Variants in ITPR2 observed in about 807,000 individuals in gnomAD.
ITPR2 encodes inositol 1,4,5-trisphosphate receptor type 2, also known as inositol 1,4,5-trisphosphate-gated calcium channel ITPR2.
ITPR2 carries 207 observed loss-of-function variants against 317.1 expected under a neutral mutation model. That is an observed-to-expected ratio of 0.65 (90% CI 0.58 to 0.73). The LOEUF (loss-of-function observed/expected upper bound fraction) is 0.73, where lower values mean the gene tolerates loss of function less well. ITPR2 is among the 30% of genes least tolerant of loss of function. The pLI is 0.00. For synonymous variants in ITPR2, 1,156 were observed against 1,149.1 expected (o/e 1.01, Z -0.12); for missense variants, 2,613 against 3,284.0 (o/e 0.80, Z 4.99).
In ITPR2 at chr12:26,416,479, C is replaced by T. The variant is rs79191473; in HGVS notation, c.7111-981G>A. On this transcript the variant is annotated intron_variant, in intron 50 of 56. Coordinates refer to ENST00000381340, the MANE Select transcript of ITPR2 (RefSeq NM_002223.4). ...GCAGTAATTAGAGTTTCTGAACTGG[C>T]TGAAATGATCAATTATGTGTCATAT... is the stretch of plus-strand genomic sequence containing the variant. Among the ~76,000 whole-genome samples the T allele has an allele frequency of 6.0e-3, 906 of 152,220 alleles. 5 individuals are homozygous for T. Among genetic ancestry groups the T allele is most frequent in the Non-Finnish European group, 1.0e-2 (678 of 68,000 alleles).
chr12:26,509,772 G>A (rs898147133), intron 37 of ITPR2, among the ~76,000 whole-genome samples: 7 of 151,988 alleles, frequency 4.6e-5, no homozygotes, highest in African/African-American at 1.4e-4. Flanking sequence ...GTGGGAAGGC[G>A]GTCCAGTGCA....
At chr12:26,736,924 G>T (rs1318887352) in intron 2 of ITPR2, among the ~76,000 whole-genome samples, 1 of 152,180 alleles carries the variant, frequency 6.6e-6, no homozygotes, top group Non-Finnish European at 1.5e-5. Context: ...TGTTATTTGA[G>T]CAACGATAGT....
Position 26,556,275 on chromosome 12 carries a change from T to C in ITPR2, c.4922A>G (p.Glu1641Gly), listed in dbSNP as rs761684493. ...ACATCTTATTCTTGCATCGCTTCCCTCAGGGAACAGCAGTTCTGGACTGTA... is the reference window on the plus strand; with the variant it reads ...ACATCTTATTCTTGCATCGCTTCCCCCAGGGAACAGCAGTTCTGGACTGTA... ...VLYSPELLFP[E>G]GSDARIRCGA... is the part of the protein sequence containing the mutation. The change falls in exon 36 of 57, where the codon GAG (glutamate) becomes GGG (glycine). Residue 1641 changes from glutamate (E) to glycine (G), a missense_variant. Coordinates refer to ENST00000381340, the MANE Select transcript of ITPR2 (RefSeq NM_002223.4). 6.2e-7 allele frequency: 1 copy of C among 1,614,008 alleles called. No homozygotes were observed. Among genetic ancestry groups the C allele is most frequent in the South Asian group, 1.1e-5 (1 of 91,050 alleles).
At position 26,368,089 on chromosome 12, in the gene ITPR2, A is replaced by G. The variant is rs184801737; in HGVS notation, c.7857+19345T>C. ...TTTGGGGACTATTTAAATGAGCAGA[A>G]CCTTATAATAAAGAAGAGAGCCCAC... On this transcript the variant is annotated intron_variant, in intron 55 of 56. Transcript: ENST00000381340. Among the ~76,000 whole-genome samples, 5 of 152,296 alleles carry G rather than the reference A, an allele frequency of 3.3e-5. No individual in the cohort carries two copies. In the East Asian group the frequency reaches 9.6e-4, roughly 29 times the overall value.
At chr12:26,644,152 G>A (rs1024828525) in intron 21 of ITPR2, among the ~76,000 whole-genome samples, 16 of 152,062 alleles carry the variant, frequency 1.1e-4, no homozygotes, top group Non-Finnish European at 2.1e-4. Context: ...AGGAGCTAGC[G>A]GCCAAAAAGA....
intron 52 of ITPR2, among the ~76,000 whole-genome samples, chr12:26,403,922 C>T (rs1047971859): frequency 6.6e-6 from 1 of 152,076 alleles, no homozygotes; most frequent in African/African-American, 2.4e-5. Context: ...AAACTGGGAG[C>T]TCTCTGTGAA....
At chr12:26,830,052 C>T (rs11048699) in intron 1 of ITPR2, among the ~76,000 whole-genome samples, 24,412 of 152,138 alleles carry the variant, frequency 0.16, 2,321 homozygotes, top group East Asian at 0.22. Context: ...TACAGGCGTC[C>T]GCCACCACGC....
At chr12:26,739,020 T>C (rs527777143) in intron 2 of ITPR2, among the ~76,000 whole-genome samples, 1 of 152,268 alleles carries the variant, frequency 6.6e-6, no homozygotes, top group South Asian at 2.1e-4. Context: ...AACAGATGTT[T>C]CACAAAAAAG....
chr12:26,336,191 A>G lies in ITPR2; in HGVS notation c.*3206T>C, dbSNP rs1434510336. ...AGAGTACTGGGAAGCAGAAATCCCT[A>G]TCTCCACCTTCTCTCACCAACTCCC... On this transcript the variant is annotated 3_prime_UTR_variant, in exon 57 of 57. Transcript: ENST00000381340. 6.6e-6 allele frequency among the ~76,000 whole-genome samples: 1 copy of G among 152,088 alleles called. No individual in the cohort carries two copies. The highest frequency in any genetic ancestry group is 1.5e-5 in the Non-Finnish European group (1 of 68,014).
At position 26,531,673 on chromosome 12, in the gene ITPR2, ACACACACAC is replaced by A. The variant is rs1402945454; in HGVS notation, c.5073+18565_5073+18573del. 2.6e-5 allele frequency among the ~76,000 whole-genome samples: 4 copies of A among 151,472 alleles called. No individual in the cohort carries two copies. In the East Asian group the frequency reaches 5.8e-4, roughly 22 times the overall value. ...TGTATTTACACACACACACACACAC[ACACACACAC>A]AAGTGTGTATCTGAATGATTCAAGA... On this transcript the variant is annotated intron_variant, in intron 37 of 56. Coordinates refer to ENST00000381340, the MANE Select transcript of ITPR2 (RefSeq NM_002223.4).
rs571145332 is a variant in ITPR2 at position 26,495,236 on chromosome 12, G to A, written c.5098C>T (p.Leu1700=). 2.1e-5 allele frequency: 33 copies of A among 1,597,182 alleles called. No homozygotes were observed. The highest frequency in any genetic ancestry group is 1.0e-4 in the Admixed American group (6 of 59,780). Residue 1700 remains leucine, a synonymous_variant, in exon 38 of 57, where the codon CTG becomes TTG. Transcript: ENST00000381340. The part of the protein sequence containing the change: ...EEGNTLRKIL[L]NRYFKGDYSI... ...TAATCACCTTTAAAGTATCGATTCA[G>A]AAGTATCTTTCTTAATGTGTTACCC...
intron 9 of ITPR2, among the ~76,000 whole-genome samples, chr12:26,698,824 A>G (rs1015027004): frequency 6.6e-6 from 1 of 152,192 alleles, no homozygotes; most frequent in African/African-American, 2.4e-5. Context: ...TGAAAGGTAG[A>G]GAGCAAAGAG....
intron 37 of ITPR2, among the ~76,000 whole-genome samples, chr12:26,531,919 T>C (rs1943956182): frequency 6.6e-6 from 1 of 152,204 alleles, no homozygotes; most frequent in South Asian, 2.1e-4. Context: ...ATAAGAGAAC[T>C]GGTTAAAATA....
At chr12:26,545,244 G>A (rs1386150263) in intron 37 of ITPR2, among the ~76,000 whole-genome samples, 1 of 152,148 alleles carries the variant, frequency 6.6e-6, no homozygotes, top group Admixed American at 6.5e-5. Context: ...GATTCGGCAG[G>A]TGTGATTTGA....
At chr12:26,735,513 AGAG>A (rs1407994384) in intron 2 of ITPR2, among the ~76,000 whole-genome samples, 5 of 152,316 alleles carry the variant, frequency 3.3e-5, no homozygotes, top group African/African-American at 9.6e-5. Context: ...AGGGAGAAGA[AGAG>A]GAGGGAAGAA....
chr12:26,400,274 C>T lies in ITPR2; in HGVS notation c.7400-16G>A. The T allele has an allele frequency of 7.0e-7, 1 of 1,433,740 alleles. No homozygotes were observed. The highest frequency in any genetic ancestry group is 9.4e-7 in the Non-Finnish European group (1 of 1,065,436). The allele number at this position is 1,433,740 out of a possible 1,614,324, so 88.8% of individuals were successfully genotyped here. On this transcript the variant is annotated splice_polypyrimidine_tract_variant and intron_variant, in intron 52 of 56. Transcript: ENST00000381340. ...TCTTCATCAGCTATAAAAACACATA[C>T]AAATATATGATATAAAATTATGTAA... is the stretch of plus-strand genomic sequence containing the variant.
chr12:26,424,486 A>C (rs1592010738), intron 49 of ITPR2, among the ~76,000 whole-genome samples: 1 of 152,066 alleles, frequency 6.6e-6, no homozygotes, highest in East Asian at 1.9e-4. Context: ...AGATATGACT[A>C]ATTGATATTT....
chr12:26,575,042 G>A (rs956195076), intron 34 of ITPR2, among the ~76,000 whole-genome samples: 4 of 151,280 alleles, frequency 2.6e-5, no homozygotes, highest in African/African-American at 9.8e-5. Flanking sequence ...ATACGTGGAC[G>A]AATGGGGTGA....
At chr12:26,371,252 CT>C (rs1472002234) in intron 55 of ITPR2, among the ~76,000 whole-genome samples, 1 of 152,254 alleles carries the variant, frequency 6.6e-6, no homozygotes, top group African/African-American at 2.4e-5. Context: ...CCTAAATACT[CT>C]GTCAGCAAGC....
Sources: allele counts gnomAD v4.1 joint callset (sites outside exome capture counted in the v4.1 genomes callset), GRCh38; gene constraint gnomAD v4.1.1; transcripts MANE v1.5; gene names NCBI Gene and HGNC (gene_info 2026-07-23, HGNC 2026-07-21).